ROBO1: variants seen among roughly 807,000 people sequenced by gnomAD.
ROBO1 encodes the protein roundabout guidance receptor 1, also known as roundabout homolog 1.
A neutral mutation model predicts 195.9 loss-of-function variants in ROBO1; 149 were observed. The observed-to-expected ratio is 0.76, with a 90% confidence interval of 0.67 to 0.87. The LOEUF (loss-of-function observed/expected upper bound fraction) is 0.87. Ranked by LOEUF, ROBO1 falls within the 40% of genes least tolerant of loss-of-function variation. The pLI is 0.00. For synonymous variants in ROBO1, 816 were observed against 733.2 expected (o/e 1.11, Z -1.82); for missense variants, 1,933 against 2,068.3 (o/e 0.93, Z 1.27).
chr3:79,140,472 A>G (rs1217360330), intron 2 of ROBO1, among the ~76,000 whole-genome samples: 3 of 152,164 alleles, frequency 2.0e-5, no homozygotes, highest in Admixed American at 2.0e-4. Flanking sequence ...CAACTATAAA[A>G]TGTGAAATAA....
chr3:78,942,892 A>C (rs1335795021), intron 3 of ROBO1, among the ~76,000 whole-genome samples: 1 of 152,072 alleles, frequency 6.6e-6, no homozygotes, highest in Admixed American at 6.6e-5. Flanking sequence ...AGCCTGGGCA[A>C]CATAGTGAGA....
intron 5 of ROBO1, among the ~76,000 whole-genome samples, chr3:78,736,129 T>G (rs955459809): frequency 2.0e-5 from 3 of 152,170 alleles, no homozygotes; most frequent in African/African-American, 7.2e-5. Context: ...TCTTCCCATT[T>G]TGTCGGAGAG....
chr3:79,140,212 T>C (rs1386367062), intron 2 of ROBO1, among the ~76,000 whole-genome samples: 1 of 152,180 alleles, frequency 6.6e-6, no homozygotes, highest in African/African-American at 2.4e-5. Context: ...TAATAATCCA[T>C]GTTCATAAAC....
At chr3:78,999,429 A>T (rs1410834194) in intron 3 of ROBO1, among the ~76,000 whole-genome samples, 2 of 152,132 alleles carry the variant, frequency 1.3e-5, no homozygotes, top group Non-Finnish European at 2.9e-5. Flanking sequence ...ATCCTAAGCA[A>T]ATTTACACAG....
intron 2 of ROBO1, among the ~76,000 whole-genome samples, chr3:79,216,950 T>C (rs2082064583): frequency 6.6e-6 from 1 of 152,030 alleles, no homozygotes; most frequent in Non-Finnish European, 1.5e-5. Context: ...TAAGATATCA[T>C]TAAAGTAAGT....
At chr3:79,202,316 A>G (rs774705450) in intron 2 of ROBO1, among the ~76,000 whole-genome samples, 53 of 152,228 alleles carry the variant, frequency 3.5e-4, no homozygotes, top group Non-Finnish European at 6.6e-4. Context: ...CTTAAAGATC[A>G]CCTACAAACA....
intron 5 of ROBO1, among the ~76,000 whole-genome samples, chr3:78,743,953 T>C (rs1375696174): frequency 2.0e-5 from 3 of 152,220 alleles, no homozygotes; most frequent in Admixed American, 6.5e-5. Flanking sequence ...AACTGCATAG[T>C]AATGAGTACT....
At chr3:78,837,438 T>A (rs1213374967) in intron 4 of ROBO1, among the ~76,000 whole-genome samples, 2 of 152,170 alleles carry the variant, frequency 1.3e-5, no homozygotes, top group Non-Finnish European at 2.9e-5. Context: ...TTGCTTAAAA[T>A]GATTTAAAAT....
chr3:78,614,123 CGTTACCTCTTCA>C (rs1267227821), intron 28 of ROBO1, among the ~76,000 whole-genome samples: 2 of 152,136 alleles, frequency 1.3e-5, no homozygotes, highest in African/African-American at 4.8e-5. Context: ...AGAATATGAA[CGTTACCTCTTCA>C]GTGAGAGTGG....
intron 1 of ROBO1, among the ~76,000 whole-genome samples, chr3:79,729,617 T>G (rs2107345300): frequency 6.6e-6 from 1 of 152,332 alleles, no homozygotes; most frequent in South Asian, 2.1e-4. Context: ...TTTTCTCATT[T>G]CTGACTGCCT....
At chr3:79,597,885 C>A (rs559423323) in intron 1 of ROBO1, among the ~76,000 whole-genome samples, 1 of 152,176 alleles carries the variant, frequency 6.6e-6, no homozygotes, top group South Asian at 2.1e-4. Context: ...AGGAAATTGG[C>A]AAGATTCTCT....
At chr3:79,553,041 G>T (rs1026705563) in intron 2 of ROBO1, among the ~76,000 whole-genome samples, 11 of 151,960 alleles carry the variant, frequency 7.2e-5, no homozygotes, top group Non-Finnish European at 1.3e-4. Flanking sequence ...TAGTTCAGTA[G>T]GTGTGAAATT....
intron 2 of ROBO1, among the ~76,000 whole-genome samples, chr3:79,309,058 A>T (rs762048835): frequency 4.8e-5 from 7 of 145,310 alleles, no homozygotes; most frequent in Non-Finnish European, 7.5e-5. Flanking sequence ...TCAATGGAAA[A>T]TTGAAGAAAA....
At chr3:79,013,339 C>T (rs941007513) in intron 3 of ROBO1, among the ~76,000 whole-genome samples, 1 of 152,314 alleles carries the variant, frequency 6.6e-6, no homozygotes, top group African/African-American at 2.4e-5. Context: ...TGTTTTGAAT[C>T]ACATTCAGTC....
intron 3 of ROBO1, among the ~76,000 whole-genome samples, chr3:78,972,579 T>G (rs1015638410): frequency 6.6e-5 from 10 of 152,202 alleles, no homozygotes; most frequent in African/African-American, 1.9e-4. Context: ...CTAATTCCAT[T>G]CATGATTCGT....
At chr3:79,565,822 T>C (rs1031278306) in intron 2 of ROBO1, among the ~76,000 whole-genome samples, 1 of 152,110 alleles carries the variant, frequency 6.6e-6, no homozygotes, top group Non-Finnish European at 1.5e-5. Flanking sequence ...CTTTTAGTAC[T>C]ATCAATGGAG....
intron 1 of ROBO1, among the ~76,000 whole-genome samples, chr3:79,606,437 A>G (rs1944488033): frequency 6.6e-6 from 1 of 151,698 alleles, no homozygotes. Flanking sequence ...TTGCTAAGAG[A>G]CATTTATTTT....
chr3:79,722,108 A>G (rs960560941), intron 1 of ROBO1, among the ~76,000 whole-genome samples: 1 of 152,222 alleles, frequency 6.6e-6, no homozygotes, highest in African/African-American at 2.4e-5. Flanking sequence ...GTACTACAGG[A>G]AACAGACTTT....
chr3:79,585,335 T>G (rs975920758), intron 2 of ROBO1, among the ~76,000 whole-genome samples: 11 of 151,994 alleles, frequency 7.2e-5, no homozygotes, highest in African/African-American at 2.4e-4. Context: ...TAGGCAAACT[T>G]AACTTTGAAT....
Sources: allele counts gnomAD v4.1 joint callset (sites outside exome capture counted in the v4.1 genomes callset), GRCh38; gene constraint gnomAD v4.1.1; transcripts MANE v1.5; gene names NCBI Gene and HGNC (gene_info 2026-07-23, HGNC 2026-07-21).